Variants in PARP9 observed in about 807,000 individuals in gnomAD.
The protein encoded by PARP9 is poly(ADP-ribose) polymerase family member 9, also known as protein mono-ADP-ribosyltransferase PARP9.
Under a neutral mutation model 68.8 loss-of-function variants are expected in PARP9, and 48 were observed. The ratio of observed to expected loss-of-function variants is 0.70; its 90% CI spans 0.55 to 0.89. The LOEUF (loss-of-function observed/expected upper bound fraction) is 0.89, where lower values mean the gene tolerates loss of function less well. Among genes scored for constraint, PARP9 ranks in the 40% least tolerant of loss-of-function variants. The pLI is 0.00. For synonymous variants in PARP9, 309 were observed against 333.8 expected (o/e 0.93, Z 0.81); for missense variants, 806 against 969.3 (o/e 0.83, Z 2.24).
intron 9 of PARP9, chr3:122,536,657 G>GA (rs1478750619): frequency 3.7e-6 from 2 of 537,250 alleles, no homozygotes; most frequent in Admixed American, 7.3e-5. Flanking sequence ...AACACAGTGT[G>GA]ATAAATGCTA....
intron 6 of PARP9, among the ~76,000 whole-genome samples, chr3:122,546,880 C>T (rs778641823): frequency 2.0e-5 from 3 of 148,376 alleles, no homozygotes; most frequent in Non-Finnish European, 4.5e-5. Flanking sequence ...AAAATGGAGA[C>T]GACAACAGTG....
In PARP9 at chr3:122,545,437, T is replaced by C. The variant is rs757611167; in HGVS notation, c.1379A>G (p.Tyr460Cys). The C allele has an allele frequency of 1.2e-6, 2 of 1,614,104 alleles. No homozygotes were observed. Among genetic ancestry groups the C allele is most frequent in the Non-Finnish European group, 1.7e-6 (2 of 1,180,034 alleles). Residue 460 changes from tyrosine to cysteine, a missense_variant, in exon 7 of 11, where the codon TAC (tyrosine) becomes TGC (cysteine). By Grantham distance (194) the Tyr-to-Cys change is radical. Around this residue, in one of 2 missense-constraint regions of PARP9, gnomAD observed 680 missense variants for 858.8 expected, o/e 0.79. Transcript: ENST00000682323. ...KRSKMLSLNNYSVPQSTREEK... is the reference protein window; with the variant it reads ...KRSKMLSLNNCSVPQSTREEK... The stretch of plus-strand genomic sequence containing the variant: ...CCTGTGAATTTCTTACTCACCACTG[T>C]AATTGTTCAAACTCAGCATCTTGGA...
At chr3:122,537,194 T>C in intron 8 of PARP9, 121 bp from the exon 9 acceptor site, 1 of 1,048,098 alleles carries the variant, frequency 9.5e-7, no homozygotes. Context: ...GTGTGCCTCA[T>C]GTGTTTAGGA....
chr3:122,545,524 C>T, intron 6 of PARP9, 35 bp from the exon 7 acceptor site: 1 of 1,606,168 alleles, frequency 6.2e-7, no homozygotes, highest in Non-Finnish European at 8.5e-7. Flanking sequence ...GAGTCATAAG[C>T]AGGGCTGATA....
intron 9 of PARP9, chr3:122,536,724 C>T (rs2077672577): frequency 1.7e-6 from 1 of 589,940 alleles, no homozygotes; most frequent in African/African-American, 1.9e-5. Flanking sequence ...ATCCTTGCTT[C>T]TGTGTGTCCT....
chr3:122,545,531 G>T, intron 6 of PARP9, 42 bp from the exon 7 acceptor site: 2 of 1,589,646 alleles, frequency 1.3e-6, no homozygotes, highest in Non-Finnish European at 1.7e-6. Flanking sequence ...AAGCAGGGCT[G>T]ATAGCCATTG....
rs1156239553 is a variant in PARP9 at position 122,555,585 on chromosome 3, T to C, written c.586A>G (p.Ile196Val). The C allele has an allele frequency of 6.2e-7, 1 of 1,614,194 alleles. No individual in the cohort carries two copies. Among genetic ancestry groups the C allele is most frequent in the Non-Finnish European group, 8.5e-7 (1 of 1,180,032 alleles). ...AAGGCTGGAATTGCTACTGTCTTAA[T>C]GTGAGTATTTTTATAGATGACATAA... The part of the protein sequence containing the change: ...LNYVIYKNTH[I>V]KTVAIPALSS... Residue 196 changes from isoleucine to valine, a missense_variant, in exon 4 of 11, where the codon ATT becomes GTT. Ile to Val is a conservative substitution (Grantham distance 29). This residue lies in a region of PARP9 where 680 missense variants were observed against 858.8 expected (regional missense o/e 0.79). Coordinates refer to ENST00000682323, the MANE Select transcript of PARP9 (RefSeq NM_001146105.2).
At position 122,556,032 on chromosome 3, in the gene PARP9, A is replaced by C; in HGVS notation, c.139T>G (p.Cys47Gly). Reference protein sequence around the residue: ...KILKNNERQLCEVLQNKFGCI... With the variant: ...KILKNNERQLGEVLQNKFGCI... ...CCAAACTTATTCTGGAGGACTTCAC[A>C]CAGCTGACGCTCATTATTTTTTAAA... The change falls in exon 4 of 11, where the codon TGT (cysteine) becomes GGT (glycine). Residue 47 changes from cysteine (C) to glycine (G), a missense_variant. Around this residue, in one of 2 missense-constraint regions of PARP9, gnomAD observed 126 missense variants for 110.5 expected, o/e 1.14. Transcript: ENST00000682323. The C allele has an allele frequency of 6.2e-7, 1 of 1,613,620 alleles. No individual in the cohort carries two copies. The highest frequency in any genetic ancestry group is 2.2e-5 in the East Asian group (1 of 44,848).
intron 4 of PARP9, among the ~76,000 whole-genome samples, chr3:122,553,775 C>T (rs1278599716): frequency 3.3e-5 from 5 of 152,080 alleles, no homozygotes; most frequent in Non-Finnish European, 7.3e-5. Context: ...AAGAATAAAG[C>T]CTTATATTCA....
At chr3:122,564,437 A>G, upstream of PARP9, 1 of 1,610,228 alleles carries the variant, frequency 6.2e-7, no homozygotes. Flanking sequence ...ATGGCCTCCC[A>G]CCTGCGCCCG....
intron 7 of PARP9, among the ~76,000 whole-genome samples, chr3:122,541,440 C>T (rs569290844): frequency 1.3e-5 from 2 of 152,282 alleles, no homozygotes; most frequent in South Asian, 2.1e-4. Context: ...GATGAGTTCA[C>T]CTTGTGATCT....
chr3:122,537,951 G>C (rs1246300584), intron 8 of PARP9, among the ~76,000 whole-genome samples: 1 of 152,060 alleles, frequency 6.6e-6, no homozygotes, highest in Non-Finnish European at 1.5e-5. Flanking sequence ...AAAAAGACTT[G>C]TTTTCTCTTG....
At chr3:122,537,895 G>T (rs1003996466) in intron 8 of PARP9, among the ~76,000 whole-genome samples, 11 of 151,330 alleles carry the variant, frequency 7.3e-5, no homozygotes, top group African/African-American at 2.7e-4. Context: ...TTTGTCCAAG[G>T]GAGCTCCTTA....
chr3:122,533,284 G>C (rs2077427738), intron 10 of PARP9: 1 of 152,170 alleles, frequency 6.6e-6, no homozygotes. Context: ...TACTAACCAG[G>C]TTAGGGAGAA....
rs552521811 is a variant in PARP9 at position 122,558,127 on chromosome 3, G to A, written c.49+307C>T. ...GAATTAGGCCAGAACTATTTAGCTT[G>A]TATAGTACTCGTTGAGCAAGGAGAC... On this transcript the variant is annotated intron_variant, in intron 3 of 10. Coordinates refer to ENST00000682323, the MANE Select transcript of PARP9 (RefSeq NM_001146105.2). Among the ~76,000 whole-genome samples, 22 of 152,346 alleles carry A rather than the reference G, an allele frequency of 1.4e-4. No individual in the cohort carries two copies. In the South Asian group the frequency reaches 4.4e-3, roughly 30 times the overall value.
rs566987914 is a variant in PARP9 at position 122,534,295 on chromosome 3, C to A, written c.2080+1873G>T. 7.2e-6 allele frequency: 7 copies of A among 977,476 alleles called. No homozygotes were observed. The South Asian group carries it at 2.8e-4, about 40-fold the overall frequency. 60.6% of individuals were successfully genotyped at this position (977,476 alleles called of 1,614,324 possible). ...TGCAACAGCCTGAGCACATTCTAGC[C>A]TGTGAGAAAATCCATGGCTCCCTGA... On this transcript the variant is annotated intron_variant, in intron 10 of 10. Coordinates refer to ENST00000682323, the MANE Select transcript of PARP9 (RefSeq NM_001146105.2).
chr3:122,535,297 C>T (rs1466971357), intron 10 of PARP9: 1 of 985,244 alleles, frequency 1.0e-6, no homozygotes, highest in Admixed American at 6.2e-5. Flanking sequence ...CTATGTTCAA[C>T]ATTTACCCCA....
rs868383089 is a variant in PARP9, at chr3:122,536,211, C to T, written c.2037G>A (p.Val679=). The T allele has an allele frequency of 4.3e-6, 7 of 1,614,098 alleles. 1 individual carries two copies. In the Admixed American group the frequency reaches 1.2e-4, roughly 27 times the overall value. ...TTCTTTGAAAGCCAACTCTGCATACCACATTGCAGAACTGGTATGGGACTT... is the reference window on the plus strand; with the variant it reads ...TTCTTTGAAAGCCAACTCTGCATACTACATTGCAGAACTGGTATGGGACTT... The part of the protein sequence containing the change: ...FQQVPYQFCN[V]VCRVGFQRMY... Residue 679 remains valine, a synonymous_variant, in exon 10 of 11, where the codon GTG becomes GTA. Coordinates refer to ENST00000682323, the MANE Select transcript of PARP9 (RefSeq NM_001146105.2).
rs200842294 is a variant in PARP9 at position 122,540,570 on chromosome 3, G to T, written c.1667C>A (p.Ala556Asp). Residue 556 changes from alanine to aspartate, a missense_variant, in exon 8 of 11, where the codon GCT becomes GAT. By Grantham distance (126) the Ala-to-Asp change is moderately radical. Transcript: ENST00000682323. ...RTELEIEGARADLIEVVMNIE... is the reference protein window; with the variant it reads ...RTELEIEGARDDLIEVVMNIE... Reference sequence around the variant, plus strand: ...GTTCATAACCACCTCAATGAGGTCAGCCCGGGCTCCTTCAATCTCTAACTC... The same window carrying T: ...GTTCATAACCACCTCAATGAGGTCATCCCGGGCTCCTTCAATCTCTAACTC... The T allele has an allele frequency of 5.6e-6, 9 of 1,614,134 alleles. No individual in the cohort carries two copies. The East Asian group carries it at 1.6e-4, about 28-fold the overall frequency.
Sources: gnomAD v4.1 joint callset for allele counts (sites outside exome capture counted in the v4.1 genomes callset) on GRCh38, gnomAD v4.1.1 for gene constraint, gnomAD v4.1.1 regional missense constraint, MANE v1.5 for transcripts, NCBI Gene and HGNC (gene_info 2026-07-23, HGNC 2026-07-21) for gene names.